Variants in TBCK observed in about 807,000 individuals in gnomAD.
TBCK encodes the protein TBC1 domain containing kinase, also known as TBC domain-containing protein kinase-like protein.
Under a neutral mutation model 113.4 loss-of-function variants are expected in TBCK, and 99 were observed. The ratio of observed to expected loss-of-function variants is 0.87; its 90% CI spans 0.74 to 1.03. TBCK has a LOEUF of 1.03. Among genes scored for constraint, TBCK ranks in the 50% least tolerant of loss-of-function variants. The pLI, the probability that TBCK is intolerant of heterozygous loss-of-function variation, is 0.00. For synonymous variants in TBCK, 369 were observed against 370.8 expected (o/e 1.00, Z 0.05); for missense variants, 1,045 against 1,061.3 (o/e 0.98, Z 0.21).
In TBCK at chr4:106,230,249, A is replaced by C. The variant is rs1051939969; in HGVS notation, c.1774+114T>G. 1.2e-5 allele frequency: 6 copies of C among 508,316 alleles called. No individual in the cohort carries two copies. The African/African-American group carries it at 1.2e-4, about 10-fold the overall frequency. The allele number at this position is 508,316 out of a possible 1,614,324, so 31.5% of individuals were successfully genotyped here. On this transcript the variant is annotated intron_variant, in intron 19 of 25. Coordinates refer to ENST00000394708, the MANE Select transcript of TBCK (RefSeq NM_001163435.3). ...AATTTCTCTTTATGGATTTTATTGG[A>C]TGGACCATCATCGTATTTTTGGGGT...
chr4:106,305,372 C>T (rs1349684414), intron 2 of TBCK, among the ~76,000 whole-genome samples: 1 of 151,854 alleles, frequency 6.6e-6, no homozygotes, highest in Admixed American at 6.6e-5. Flanking sequence ...TTTGAAAATC[C>T]ATTAATTTTT....
At chr4:106,090,081 C>T (rs1740034328) in intron 25 of TBCK, among the ~76,000 whole-genome samples, 1 of 152,228 alleles carries the variant, frequency 6.6e-6, no homozygotes, top group South Asian at 2.1e-4. Context: ...TCTGTGGGGG[C>T]TCTGCTCCTG....
chr4:106,095,565 G>A lies in TBCK; in HGVS notation c.2488C>T (p.Gln830Ter), dbSNP rs781011538. 4 of 1,613,982 alleles carry A rather than the reference G, an allele frequency of 2.5e-6. No homozygotes were observed. Among genetic ancestry groups the A allele is most frequent in the Non-Finnish European group, 3.4e-6 (4 of 1,179,996 alleles). The change falls in exon 25 of 26, where the codon CAG becomes TAG. Residue 830 changes from glutamine (Q) to a stop codon, truncating the protein, a stop_gained. Transcript: ENST00000394708. LOFTEE classifies it high-confidence loss of function. The part of the protein sequence containing the change: ...AAFTAEGELT[Q>*]GPYTAMLQNF... ...TGGAGCATAGCAGTGTAAGGGCCCT[G>A]GGTAAGCTCCCCTTCTGCAGTGAAG...
chr4:106,122,486 A>G (rs896212926), intron 23 of TBCK, among the ~76,000 whole-genome samples: 10 of 152,200 alleles, frequency 6.6e-5, no homozygotes, highest in African/African-American at 2.2e-4. Flanking sequence ...AACTATTCCA[A>G]TCAATAGAAA....
rs573076099 is a variant in TBCK at position 106,065,447 on chromosome 4, C to A, written c.2572-18767G>T. ...CAACAGCACAAGAGTGAGACTTTGC[C>A]GTGTTTTTCATTTTAAATGTGACAC... On this transcript the variant is annotated intron_variant, in intron 25 of 25. Coordinates refer to ENST00000394708, the MANE Select transcript of TBCK (RefSeq NM_001163435.3). 2.0e-5 allele frequency among the ~76,000 whole-genome samples: 3 copies of A among 152,090 alleles called. No individual in the cohort carries two copies. The South Asian group carries it at 6.2e-4, about 32-fold the overall frequency.
intron 3 of TBCK, among the ~76,000 whole-genome samples, chr4:106,280,308 G>C (rs556906655): frequency 1.3e-5 from 2 of 152,064 alleles, no homozygotes; most frequent in South Asian, 4.2e-4. Context: ...AGTTATTTGA[G>C]CTCCTTATAT....
At position 106,043,053 on chromosome 4, in the gene TBCK, C is replaced by G. The variant is rs749363094; in HGVS notation, c.*3517G>C. 3 of 152,124 alleles carry G rather than the reference C, an allele frequency of 2.0e-5. No individual in the cohort carries two copies. Among genetic ancestry groups the G allele is most frequent in the Non-Finnish European group, 4.4e-5 (3 of 68,018 alleles). 9.4% of individuals were successfully genotyped at this position (152,124 alleles called of 1,614,324 possible). ...TCTATTCCTATATGTATTCCAAAAC[C>G]TGAGTTCTTGGGGCTTATATTGATA... On this transcript the variant is annotated 3_prime_UTR_variant, in exon 26 of 26. Transcript: ENST00000394708.
intron 17 of TBCK, 22 bp downstream of exon 17, chr4:106,232,916 T>C: frequency 1.9e-6 from 3 of 1,603,122 alleles, no homozygotes; most frequent in Non-Finnish European, 2.6e-6. Context: ...TCCAGAGGAG[T>C]TTTAATGACT....
chr4:106,081,916 T>A, intron 25 of TBCK, among the ~76,000 whole-genome samples: 1 of 152,080 alleles, frequency 6.6e-6, no homozygotes. Flanking sequence ...CCATCTCACA[T>A]CAGTCAAAAT....
intron 25 of TBCK, among the ~76,000 whole-genome samples, chr4:106,051,753 G>C (rs962500430): frequency 6.6e-6 from 1 of 151,804 alleles, no homozygotes; most frequent in Non-Finnish European, 1.5e-5. Context: ...AATATGGGGT[G>C]ATTTCTCAAT....
intron 3 of TBCK, among the ~76,000 whole-genome samples, chr4:106,292,892 T>C (rs1401763936): frequency 6.6e-6 from 1 of 152,214 alleles, no homozygotes; most frequent in Non-Finnish European, 1.5e-5. Flanking sequence ...ATAAAGTGGC[T>C]GCATTCAAAG....
At chr4:106,276,284 C>T (rs1024878309) in intron 3 of TBCK, among the ~76,000 whole-genome samples, 2 of 152,148 alleles carry the variant, frequency 1.3e-5, no homozygotes, top group Non-Finnish European at 2.9e-5. Context: ...AACATAAAAT[C>T]GAAAACTATA....
At chr4:106,134,048 A>C (rs1381814407) in intron 23 of TBCK, among the ~76,000 whole-genome samples, 1 of 152,056 alleles carries the variant, frequency 6.6e-6, no homozygotes, top group Non-Finnish European at 1.5e-5. Context: ...CAAAACAAAA[A>C]GCCAAAGTAG....
intron 5 of TBCK, among the ~76,000 whole-genome samples, chr4:106,257,236 C>G (rs191481838): frequency 2.2e-4 from 34 of 152,226 alleles, no homozygotes; most frequent in African/African-American, 8.2e-4. Context: ...TACATATGTG[C>G]ATGCCCTTTC....
intron 6 of TBCK, among the ~76,000 whole-genome samples, chr4:106,251,364 T>C (rs1393534809): frequency 1.3e-5 from 2 of 151,972 alleles, no homozygotes; most frequent in Non-Finnish European, 2.9e-5. Context: ...TAAGATTACC[T>C]GGTGTTTATA....
At chr4:106,086,289 G>T (rs1739507080) in intron 25 of TBCK, among the ~76,000 whole-genome samples, 1 of 152,124 alleles carries the variant, frequency 6.6e-6, no homozygotes, top group Non-Finnish European at 1.5e-5. Context: ...TACCATCAGA[G>T]AATACTATAA....
Position 106,127,671 on chromosome 4 carries a change from T to TTG in TBCK, c.2236-11295_2236-11294dup, listed in dbSNP as rs750755969. On this transcript the variant is annotated intron_variant, in intron 23 of 25. Transcript: ENST00000394708. Reference sequence around the variant, plus strand: ...TGTGTTCATGTGTGTGTGTGCATGTTTGTGTGTGTGTGTGTATGTGTTCAA... The same window carrying TTG: ...TGTGTTCATGTGTGTGTGTGCATGTTTGTGTGTGTGTGTGTGTATGTGTTCAA... Among the ~76,000 whole-genome samples the TTG allele has an allele frequency of 9.6e-4, 145 of 151,328 alleles. 3 individuals are homozygous for TTG. Among genetic ancestry groups the TTG allele is most frequent in the South Asian group, 8.1e-3 (39 of 4,790 alleles).
At chr4:106,206,523 G>GGA (rs1755522926) in intron 20 of TBCK, among the ~76,000 whole-genome samples, 1 of 152,080 alleles carries the variant, frequency 6.6e-6, no homozygotes, top group Admixed American at 6.5e-5. Context: ...CCAGACAAGA[G>GGA]GACACATCAC....
intron 25 of TBCK, among the ~76,000 whole-genome samples, chr4:106,056,565 C>CT (rs70941235): frequency 1.3e-3 from 186 of 145,808 alleles, no homozygotes; most frequent in Middle Eastern, 3.5e-3. Flanking sequence ...GTATCCATTC[C>CT]TTTTTTTTTT....
Sources: allele counts gnomAD v4.1 joint callset (sites outside exome capture counted in the v4.1 genomes callset), GRCh38; gene constraint gnomAD v4.1.1; transcripts MANE v1.5; gene names NCBI Gene and HGNC (gene_info 2026-07-23, HGNC 2026-07-21).